EXOC2: variants seen among roughly 807,000 people sequenced by gnomAD.
EXOC2 encodes the protein exocyst complex component 2.
A neutral mutation model predicts 131.8 loss-of-function variants in EXOC2; 70 were observed. That is an observed-to-expected ratio of 0.53 (90% CI 0.44 to 0.65). EXOC2 has a LOEUF of 0.65. Ranked by LOEUF, EXOC2 falls within the 30% of genes least tolerant of loss-of-function variation. EXOC2 has a pLI of 0.00. For missense variants in EXOC2, 923 were observed against 1,108.6 expected, an observed-to-expected ratio of 0.83 and a Z score of 2.38; for synonymous variants, 411 against 398.4, an observed-to-expected ratio of 1.03 and a Z score of -0.38.
intron 23 of EXOC2, among the ~76,000 whole-genome samples, chr6:513,271 C>T (rs1055390711): frequency 2.0e-5 from 3 of 152,250 alleles, no homozygotes; most frequent in African/African-American, 2.4e-5. Context: ...CCACGGTTTA[C>T]GTGCAGTGCG....
At chr6:547,187 C>T (rs114962651) in intron 22 of EXOC2, among the ~76,000 whole-genome samples, 2,500 of 152,268 alleles carry the variant, frequency 0.016, 45 homozygotes, top group African/African-American at 0.042. Context: ...TTTTAATAAT[C>T]CCCTAAAAAC....
chr6:657,204 C>A, intron 1 of EXOC2: 1 of 361,542 alleles, frequency 2.8e-6, no homozygotes, highest in Non-Finnish European at 4.9e-6. Context: ...GTTTCCACTC[C>A]GGTTATAAGA....
At chr6:685,551 T>C (rs1764605878) in intron 1 of EXOC2, among the ~76,000 whole-genome samples, 1 of 152,162 alleles carries the variant, frequency 6.6e-6, no homozygotes, top group Admixed American at 6.5e-5. Flanking sequence ...ACTTCCTGAG[T>C]GAGATCAAGT....
rs1581466907 is a variant in EXOC2 at position 572,713 on chromosome 6, G to C, written c.1319-69C>G. On this transcript the variant is annotated intron_variant, in intron 12 of 27. Coordinates refer to ENST00000230449, the MANE Select transcript of EXOC2 (RefSeq NM_018303.6). The stretch of plus-strand genomic sequence containing the variant: ...CAAGAAAACACCTTTGAGCATATTG[G>C]CGCACCCCCCTCCACTCCCGCAAAA... 11 of 1,560,794 alleles carry C rather than the reference G, an allele frequency of 7.0e-6. No individual in the cohort carries two copies. The East Asian group carries it at 2.5e-4, about 35-fold the overall frequency.
At chr6:518,171 TA>T (rs796295350) in intron 23 of EXOC2, among the ~76,000 whole-genome samples, 1 of 152,058 alleles carries the variant, frequency 6.6e-6, no homozygotes, top group Non-Finnish European at 1.5e-5. Context: ...TACGTTTCTT[TA>T]AAAAAAATCA....
intron 1 of EXOC2, among the ~76,000 whole-genome samples, chr6:681,868 A>T (rs1267418022): frequency 6.6e-6 from 1 of 152,224 alleles, no homozygotes. Flanking sequence ...ACTGCTCTGG[A>T]GGATAATTCC....
chr6:682,596 T>C (rs1044482608), intron 1 of EXOC2, among the ~76,000 whole-genome samples: 7 of 152,176 alleles, frequency 4.6e-5, no homozygotes, highest in Non-Finnish European at 8.8e-5. Flanking sequence ...CTCCAAAGAA[T>C]TTTCACTTCC....
chr6:586,158 G>A (rs9502290), intron 11 of EXOC2, among the ~76,000 whole-genome samples: 414 of 152,282 alleles, frequency 2.7e-3, no homozygotes, highest in African/African-American at 9.3e-3. Flanking sequence ...TCAATTCAAG[G>A]AAACAGCAGG....
At chr6:546,681 A>G (rs1482856977) in intron 22 of EXOC2, among the ~76,000 whole-genome samples, 1 of 152,250 alleles carries the variant, frequency 6.6e-6, no homozygotes, top group Non-Finnish European at 1.5e-5. Context: ...CTTTATGAAT[A>G]GTGTTAATAT....
In EXOC2 at chr6:508,383, C is replaced by T. The variant is rs368134074; in HGVS notation, c.2381-8683G>A. 4.1e-4 allele frequency among the ~76,000 whole-genome samples: 62 copies of T among 152,254 alleles called. 1 individual carries two copies. The highest frequency in any genetic ancestry group is 3.4e-3 in the Middle Eastern group (1 of 294). On this transcript the variant is annotated intron_variant, in intron 23 of 27. Coordinates refer to ENST00000230449, the MANE Select transcript of EXOC2 (RefSeq NM_018303.6). ...GTTACAGGTTTGGACAAATATATAA[C>T]GACAGGTACCAACCGTTACGGTAAC...
At chr6:525,807 A>C (rs1223906663) in intron 23 of EXOC2, among the ~76,000 whole-genome samples, 1 of 152,206 alleles carries the variant, frequency 6.6e-6, no homozygotes, top group Non-Finnish European at 1.5e-5. Context: ...TTTTTCAATA[A>C]AAATGAGGAA....
chr6:488,672 G>T (rs1763240281), intron 27 of EXOC2, among the ~76,000 whole-genome samples: 2 of 151,650 alleles, frequency 1.3e-5, no homozygotes, highest in Admixed American at 1.3e-4. Flanking sequence ...ACAGTTTACT[G>T]AATAAGTCAT....
intron 1 of EXOC2, among the ~76,000 whole-genome samples, chr6:648,024 C>T (rs1007215687): frequency 1.3e-5 from 2 of 152,158 alleles, no homozygotes; most frequent in African/African-American, 4.8e-5. Context: ...ATTTCCTTAC[C>T]ATGAAGAATT....
At chr6:656,790 G>A (rs1763132331) in intron 1 of EXOC2, 2 of 1,603,548 alleles carry the variant, frequency 1.2e-6, no homozygotes, top group East Asian at 4.5e-5. Flanking sequence ...CCACAGCCTG[G>A]CCTCGTGGAG....
At chr6:590,094 G>A (rs954617233) in intron 11 of EXOC2, among the ~76,000 whole-genome samples, 1 of 146,550 alleles carries the variant, frequency 6.8e-6, no homozygotes, top group Admixed American at 6.9e-5. Context: ...CAGCCTGGGC[G>A]ACAAAGCGAG....
chr6:611,863 C>A (rs1760732466), intron 6 of EXOC2, among the ~76,000 whole-genome samples: 1 of 152,114 alleles, frequency 6.6e-6, no homozygotes, highest in African/African-American at 2.4e-5. Flanking sequence ...GTATGTACAA[C>A]AGTACTTCTC....
At chr6:553,129 G>A (rs945716147) in intron 21 of EXOC2, among the ~76,000 whole-genome samples, 5 of 152,118 alleles carry the variant, frequency 3.3e-5, no homozygotes, top group Non-Finnish European at 7.4e-5. Context: ...TGTTGGCCAG[G>A]CTGGTCTGGA....
intron 23 of EXOC2, among the ~76,000 whole-genome samples, chr6:500,462 T>G (rs1178655813): frequency 6.6e-6 from 1 of 152,176 alleles, no homozygotes; most frequent in Non-Finnish European, 1.5e-5. Flanking sequence ...AGTTGTGACT[T>G]TTGGCAAGAA....
chr6:658,308 G>A (rs1029892959), intron 1 of EXOC2, among the ~76,000 whole-genome samples: 3 of 152,056 alleles, frequency 2.0e-5, no homozygotes, highest in African/African-American at 7.2e-5. Flanking sequence ...TATCGAATAG[G>A]ACAATCTTTC....
Sources: allele counts gnomAD v4.1 joint callset (sites outside exome capture counted in the v4.1 genomes callset), GRCh38; gene constraint gnomAD v4.1.1; transcripts MANE v1.5; gene names NCBI Gene and HGNC (gene_info 2026-07-23, HGNC 2026-07-21).